Variants in TRPM3 observed in about 807,000 individuals in gnomAD.
TRPM3 encodes long transient receptor potential channel 3.
A neutral mutation model predicts 181.2 loss-of-function variants in TRPM3; 77 were observed. The ratio of observed to expected loss-of-function variants is 0.42; its 90% CI spans 0.35 to 0.51. The LOEUF is 0.51. Ranked by LOEUF, TRPM3 falls within the 20% of genes least tolerant of loss-of-function variation. The pLI, the probability that TRPM3 is intolerant of heterozygous loss-of-function variation, is 0.01. For missense variants in TRPM3, 1,759 were observed against 2,196.7 expected (o/e 0.80, Z 3.98); for synonymous variants, 745 against 796.4 (o/e 0.94, Z 1.09).
chr9:71,298,478 T>C (rs1471795360), intron 1 of TRPM3, among the ~76,000 whole-genome samples: 1 of 152,098 alleles, frequency 6.6e-6, no homozygotes, highest in Non-Finnish European at 1.5e-5. Flanking sequence ...GGTCTTTTTT[T>C]TTTTTACATA....
chr9:70,575,109 ATTTTT>A (rs55876205), intron 22 of TRPM3, among the ~76,000 whole-genome samples: 1 of 134,348 alleles, frequency 7.4e-6, no homozygotes, highest in Admixed American at 7.6e-5. Context: ...ATCCCGCATA[ATTTTT>A]TTTTTTTTTT....
chr9:71,105,628 G>C (rs1430770149), intron 1 of TRPM3, among the ~76,000 whole-genome samples: 1 of 152,096 alleles, frequency 6.6e-6, no homozygotes, highest in Non-Finnish European at 1.5e-5. Context: ...GGGGTGTAAG[G>C]GCCAGATAGA....
intron 1 of TRPM3, among the ~76,000 whole-genome samples, chr9:71,100,619 T>C (rs1027765777): frequency 1.3e-5 from 2 of 152,144 alleles, no homozygotes; most frequent in Non-Finnish European, 2.9e-5. Context: ...ATCTTAACTA[T>C]GATTATCTTA....
intron 1 of TRPM3, among the ~76,000 whole-genome samples, chr9:71,317,197 AAG>A (rs1195824297): frequency 1.3e-5 from 2 of 152,196 alleles, no homozygotes; most frequent in Admixed American, 1.3e-4. Context: ...ACACCTTAAA[AAG>A]AGAGCTGAAT....
chr9:71,196,721 T>A (rs1401229492), intron 1 of TRPM3, among the ~76,000 whole-genome samples: 1 of 152,006 alleles, frequency 6.6e-6, no homozygotes, highest in African/African-American at 2.4e-5. Flanking sequence ...CCTTTAAATG[T>A]TATTTAGCAG....
intron 1 of TRPM3, among the ~76,000 whole-genome samples, chr9:71,110,409 C>G (rs1419269807): frequency 2.0e-5 from 3 of 152,148 alleles, no homozygotes; most frequent in African/African-American, 7.2e-5. Context: ...TTTCGTTGTT[C>G]ATAAATAAGT....
At chr9:71,350,098 G>A (rs1296271217) in intron 1 of TRPM3, among the ~76,000 whole-genome samples, 1 of 151,672 alleles carries the variant, frequency 6.6e-6, no homozygotes, top group East Asian at 1.9e-4. Flanking sequence ...ATTGGAGACT[G>A]TATCAAATGG....
chr9:70,788,855 A>G (rs2084599431), intron 6 of TRPM3, among the ~76,000 whole-genome samples: 1 of 152,220 alleles, frequency 6.6e-6, no homozygotes, highest in Middle Eastern at 3.4e-3. Context: ...TCACGCTCCT[A>G]TGCAGCTGAT....
At chr9:70,663,037 C>A (rs1250204800) in intron 9 of TRPM3, among the ~76,000 whole-genome samples, 1 of 152,126 alleles carries the variant, frequency 6.6e-6, no homozygotes, top group African/African-American at 2.4e-5. Flanking sequence ...AGTATATACA[C>A]ACCACGGAAT....
chr9:70,664,250 C>T lies in TRPM3; in HGVS notation c.1345+17256G>A, dbSNP rs889206447. Among the ~76,000 whole-genome samples the T allele has an allele frequency of 1.8e-4, 27 of 152,262 alleles. No individual in the cohort carries two copies. The South Asian group carries it at 3.1e-3, about 18-fold the overall frequency. On this transcript the variant is annotated intron_variant, in intron 9 of 25. Transcript: ENST00000677713. Reference sequence around the variant, plus strand: ...AATTTTCATAAAAAGATGCTCTCTACTAAATCCCTAATTTTTCAGAATTAA... The same window carrying T: ...AATTTTCATAAAAAGATGCTCTCTATTAAATCCCTAATTTTTCAGAATTAA...
At chr9:70,549,818 A>G in intron 24 of TRPM3, 144 bp from the exon 25 acceptor site, 1 of 798,466 alleles carries the variant, frequency 1.3e-6, no homozygotes, top group South Asian at 2.3e-5. Context: ...TGAAATCCAA[A>G]TCCAATTAGG....
chr9:70,618,767 A>G, intron 17 of TRPM3, 100 bp downstream of exon 17: 1 of 961,710 alleles, frequency 1.0e-6, no homozygotes, highest in Admixed American at 2.2e-5. Flanking sequence ...CTCCCTCCTG[A>G]GATAAGAGGA....
intron 1 of TRPM3, among the ~76,000 whole-genome samples, chr9:70,967,297 G>T (rs2097195282): frequency 6.6e-6 from 1 of 152,080 alleles, no homozygotes; most frequent in African/African-American, 2.4e-5. Flanking sequence ...TGGGCAGGAG[G>T]GGAGGGAAGG....
intron 1 of TRPM3, among the ~76,000 whole-genome samples, chr9:71,141,787 G>A (rs180752436): frequency 7.9e-5 from 12 of 152,110 alleles, no homozygotes; most frequent in East Asian, 3.9e-4. Flanking sequence ...CATGTCTGTC[G>A]TTCTGCTGGT....
intron 1 of TRPM3, among the ~76,000 whole-genome samples, chr9:71,024,690 A>G (rs757164561): frequency 1.3e-5 from 2 of 152,224 alleles, no homozygotes; most frequent in Non-Finnish European, 2.9e-5. Flanking sequence ...AAATAAGTTA[A>G]TGCCTATAAA....
At chr9:70,970,714 C>T (rs2097234797) in intron 1 of TRPM3, among the ~76,000 whole-genome samples, 1 of 152,130 alleles carries the variant, frequency 6.6e-6, no homozygotes, top group Non-Finnish European at 1.5e-5. Flanking sequence ...GTGAATGCTT[C>T]TAAGCAGGGA....
chr9:71,196,167 ATGTG>A (rs71507026), intron 1 of TRPM3, among the ~76,000 whole-genome samples: 9,969 of 149,116 alleles, frequency 0.067, 359 homozygotes, highest in South Asian at 0.12. Context: ...ACACACGTAT[ATGTG>A]TGTGTGTGTG....
chr9:71,423,159 C>T (rs1046706518), intron 1 of TRPM3, among the ~76,000 whole-genome samples: 3 of 152,026 alleles, frequency 2.0e-5, no homozygotes, highest in African/African-American at 7.2e-5. Context: ...CTGCTGTGAG[C>T]AAGTTGCTTT....
intron 8 of TRPM3, among the ~76,000 whole-genome samples, chr9:70,745,746 G>C (rs991415904): frequency 6.6e-6 from 1 of 152,102 alleles, no homozygotes; most frequent in Admixed American, 6.6e-5. Flanking sequence ...AACAGGGAAG[G>C]CATTGGCTTG....
Sources: gnomAD v4.1 joint callset for allele counts (sites outside exome capture counted in the v4.1 genomes callset) on GRCh38, gnomAD v4.1.1 for gene constraint, MANE v1.5 for transcripts, NCBI Gene and HGNC (gene_info 2026-07-23, HGNC 2026-07-21) for gene names.